The following TSPAN14 variants were observed in gnomAD, a reference collection of about 807,000 sequenced individuals.
The protein encoded by TSPAN14 is tetraspanin-14.
Under a neutral mutation model 36.6 loss-of-function variants are expected in TSPAN14, and 16 were observed. That is an observed-to-expected ratio of 0.44 (90% CI 0.30 to 0.66). The LOEUF is 0.66. Among genes scored for constraint, TSPAN14 ranks in the 30% least tolerant of loss-of-function variants. The pLI, the probability that TSPAN14 is intolerant of heterozygous loss-of-function variation, is 0.12. For missense variants in TSPAN14, 231 were observed against 355.1 expected (o/e 0.65, Z 2.81); for synonymous variants, 139 against 143.8 (o/e 0.97, Z 0.24).
intron 1 of TSPAN14, among the ~76,000 whole-genome samples, chr10:80,484,441 C>T (rs545876197): frequency 3.4e-4 from 52 of 152,272 alleles, no homozygotes; most frequent in African/African-American, 1.2e-3. Context: ...TATCCCGCCT[C>T]AGCCTCCCAC....
chr10:80,520,522 T>C (rs1040894401), exon 9 of TSPAN14: 3 of 477,706 alleles, frequency 6.3e-6, no homozygotes, highest in Non-Finnish European at 1.3e-5. Flanking sequence ...TGCACCCTCT[T>C]CTCACCTCAC....
chr10:80,483,401 A>G (rs78598224), intron 1 of TSPAN14, among the ~76,000 whole-genome samples: 2,121 of 152,294 alleles, frequency 0.014, 54 homozygotes, highest in African/African-American at 0.048. Flanking sequence ...AAATTGTCTC[A>G]TAATTGCAAA....
intron 1 of TSPAN14, among the ~76,000 whole-genome samples, chr10:80,483,845 G>A (rs1847425269): frequency 6.9e-6 from 1 of 145,726 alleles, no homozygotes; most frequent in African/African-American, 2.5e-5. Context: ...GGGAGGCGGA[G>A]GTTGCAGTGA....
At chr10:80,494,271 C>T (rs1424096398) in intron 2 of TSPAN14, among the ~76,000 whole-genome samples, 1 of 152,244 alleles carries the variant, frequency 6.6e-6, no homozygotes, top group South Asian at 2.1e-4. Flanking sequence ...GACATCTGTG[C>T]TCTGTGACCA....
intron 4 of TSPAN14, among the ~76,000 whole-genome samples, chr10:80,507,914 C>T (rs1016183727): frequency 6.6e-6 from 1 of 151,904 alleles, no homozygotes; most frequent in South Asian, 2.1e-4. Context: ...TCATATTTTG[C>T]AGTATATTGT....
At chr10:80,500,932 T>G (rs1848477021) in intron 2 of TSPAN14, among the ~76,000 whole-genome samples, 1 of 152,164 alleles carries the variant, frequency 6.6e-6, no homozygotes, top group South Asian at 2.1e-4. Context: ...GCTCTTGAGG[T>G]CGAGGGTCTT....
intron 1 of TSPAN14, among the ~76,000 whole-genome samples, chr10:80,488,295 G>T (rs1305593439): frequency 6.6e-6 from 1 of 152,194 alleles, no homozygotes; most frequent in Non-Finnish European, 1.5e-5. Context: ...TGCCACTGGG[G>T]TTCAAAAAGG....
chr10:80,492,592 G>A (rs535017614), intron 2 of TSPAN14, among the ~76,000 whole-genome samples: 1 of 152,196 alleles, frequency 6.6e-6, no homozygotes, highest in Admixed American at 6.5e-5. Flanking sequence ...CGAGGCAGGC[G>A]GATCACGAGG....
At chr10:80,499,861 C>G (rs767178826) in intron 2 of TSPAN14, among the ~76,000 whole-genome samples, 1 of 152,124 alleles carries the variant, frequency 6.6e-6, no homozygotes, top group Non-Finnish European at 1.5e-5. Context: ...CAAGCTGGGC[C>G]GGAGCTGGGC....
intron 2 of TSPAN14, among the ~76,000 whole-genome samples, chr10:80,492,166 G>T (rs1847955106): frequency 6.6e-6 from 1 of 152,114 alleles, no homozygotes; most frequent in Admixed American, 6.6e-5. Flanking sequence ...GAATGCCCAA[G>T]CCCTTACCTC....
chr10:80,471,496 G>A (rs1846547539), intron 1 of TSPAN14, among the ~76,000 whole-genome samples: 2 of 152,188 alleles, frequency 1.3e-5, no homozygotes, highest in African/African-American at 2.4e-5. Context: ...TGAGGAAGAG[G>A]CTCTGATGTG....
chr10:80,507,437 G>A (rs1840360557), intron 4 of TSPAN14, 63 bp downstream of exon 4: 2 of 1,608,864 alleles, frequency 1.2e-6, no homozygotes, highest in Non-Finnish European at 1.7e-6. Context: ...TGCTGGGCAG[G>A]ATTATATGTT....
exon 9 of TSPAN14, chr10:80,520,578 C>A (rs1841209034): frequency 1.9e-6 from 1 of 529,786 alleles, no homozygotes. Flanking sequence ...CCTGTACCCC[C>A]TCCTCAACCC....
In TSPAN14 at chr10:80,516,459, A is replaced by G. The variant is rs934800471; in HGVS notation, c.741+136A>G. 9.2e-6 allele frequency: 12 copies of G among 1,300,882 alleles called. No homozygotes were observed. The East Asian group carries it at 2.3e-4, about 25-fold the overall frequency. The allele number at this position is 1,300,882 out of a possible 1,614,324, so 80.6% of individuals were successfully genotyped here. A position where few individuals can be genotyped will look rare whatever the true frequency, so the allele number is the denominator to read the frequency against. ...AGAAGAAAAAAAGGGATTCAACTGG[A>G]TGTCCAAGGCTGAGAGAGTGTATGC... On this transcript the variant is annotated intron_variant, in intron 8 of 8. Coordinates refer to ENST00000429989, the Ensembl canonical transcript of TSPAN14.
chr10:80,494,246 G>A (rs1400233175), intron 2 of TSPAN14, among the ~76,000 whole-genome samples: 1 of 152,252 alleles, frequency 6.6e-6, no homozygotes, highest in Non-Finnish European at 1.5e-5. Context: ...GTTTCTGAGT[G>A]AGATGAGAGC....
At chr10:80,473,663 G>A (rs536043952) in intron 1 of TSPAN14, among the ~76,000 whole-genome samples, 1 of 151,486 alleles carries the variant, frequency 6.6e-6, no homozygotes, top group East Asian at 1.9e-4. Context: ...ACTCCAGTGA[G>A]CGGTTGCTGC....
Position 80,507,392 on chromosome 10 carries a change from CAA to C in TSPAN14, c.279+19_279+20del. 6.2e-7 allele frequency: 1 copy of C among 1,614,078 alleles called. No homozygotes were observed. Among genetic ancestry groups the C allele is most frequent in the South Asian group, 1.1e-5 (1 of 91,076 alleles). On this transcript the variant is annotated intron_variant, in intron 4 of 8. Coordinates refer to ENST00000429989, the Ensembl canonical transcript of TSPAN14. ...TCAACTTTGTGAGTGGCCACAGAGA[CAA>C]GAGTGGGATAGGATGCAATGGGGTA...
At chr10:80,465,785 G>T (rs989396821) in intron 1 of TSPAN14, among the ~76,000 whole-genome samples, 1 of 152,208 alleles carries the variant, frequency 6.6e-6, no homozygotes, top group Non-Finnish European at 1.5e-5. Flanking sequence ...GGCAGGATTG[G>T]TTAAGAATAT....
At chr10:80,512,417 C>A (rs1840709675) in intron 6 of TSPAN14, 148 bp downstream of exon 6, 1 of 1,233,820 alleles carries the variant, frequency 8.1e-7, no homozygotes, top group East Asian at 2.6e-5. Context: ...AAGGCTGCCT[C>A]AGCTCTGAAA....
Sources: gnomAD v4.1 joint callset for allele counts (sites outside exome capture counted in the v4.1 genomes callset) on GRCh38, gnomAD v4.1.1 for gene constraint, MANE v1.5 for transcripts, NCBI Gene and HGNC (gene_info 2026-07-23, HGNC 2026-07-21) for gene names.